ABCA6: variants seen among roughly 807,000 people sequenced by gnomAD.
ABCA6 encodes ATP binding cassette subfamily A member 6, also known as ATP-binding cassette sub-family A member 6.
ABCA6 carries 164 observed loss-of-function variants against 191.2 expected under a neutral mutation model. That is an observed-to-expected ratio of 0.86 (90% CI 0.76 to 0.98). The LOEUF is 0.98. Among genes scored for constraint, ABCA6 ranks in the 50% least tolerant of loss-of-function variants. The probability of loss-of-function intolerance (pLI) is 0.00; values close to 1 mark genes in which losing one functional copy is unlikely to be tolerated. For missense variants in ABCA6, 1,958 were observed against 1,894.1 expected (o/e 1.03, Z -0.63); for synonymous variants, 636 against 647.7 (o/e 0.98, Z 0.27).
intron 28 of ABCA6, chr17:69,087,722 G>T (rs181020502): frequency 2.0e-6 from 1 of 494,696 alleles, no homozygotes; most frequent in South Asian, 2.5e-5. Context: ...AGCAGGTACT[G>T]CTCCTTTCTC....
At chr17:69,092,157 G>GTTTA (rs1254688141) in intron 25 of ABCA6, among the ~76,000 whole-genome samples, 2 of 152,072 alleles carry the variant, frequency 1.3e-5, no homozygotes, top group African/African-American at 2.4e-5. Flanking sequence ...TTGTTTGTTT[G>GTTTA]TTTTAAGAAT....
At chr17:69,083,926 G>A (rs1289920173) in intron 34 of ABCA6, among the ~76,000 whole-genome samples, 1 of 152,056 alleles carries the variant, frequency 6.6e-6, no homozygotes, top group Non-Finnish European at 1.5e-5. Flanking sequence ...GTGTCAGGAA[G>A]TTAATAGTCT....
At chr17:69,113,541 C>T in intron 14 of ABCA6, 77 bp downstream of exon 14, 1 of 1,603,852 alleles carries the variant, frequency 6.2e-7, no homozygotes. Context: ...GAAAGCTCTA[C>T]CACTTTTAGT....
At position 69,078,860 on chromosome 17, in the gene ABCA6, C is replaced by T; in HGVS notation, c.*113G>A. 4.9e-6 allele frequency: 3 copies of T among 614,932 alleles called. No homozygotes were observed. Among genetic ancestry groups the T allele is most frequent in the Non-Finnish European group, 7.7e-6 (3 of 389,200 alleles). The allele number at this position is 614,932 out of a possible 1,614,324, so 38.1% of individuals were successfully genotyped here. A position where few individuals can be genotyped will look rare whatever the true frequency, so the allele number is the denominator to read the frequency against. On this transcript the variant is annotated 3_prime_UTR_variant, in exon 39 of 39. Coordinates refer to ENST00000284425, the MANE Select transcript of ABCA6 (RefSeq NM_080284.3). ...TTTATGTATTTGTTAACTAAATTTACAAAATATACCTGATGTTAATTTTAA... is the reference window on the plus strand; with the variant it reads ...TTTATGTATTTGTTAACTAAATTTATAAAATATACCTGATGTTAATTTTAA...
At chr17:69,092,530 G>A (rs1274000067) in intron 25 of ABCA6, among the ~76,000 whole-genome samples, 3 of 152,158 alleles carry the variant, frequency 2.0e-5, no homozygotes, top group Non-Finnish European at 2.9e-5. Context: ...CCAGAACTCC[G>A]TGTGCTAAGA....
rs1277882139 is a variant in ABCA6 at position 69,084,331 on chromosome 17, C to G, written c.4285G>C (p.Gly1429Arg). 7 of 1,614,114 alleles carry G rather than the reference C, an allele frequency of 4.3e-6. No homozygotes were observed. Among genetic ancestry groups the G allele is most frequent in the Non-Finnish European group, 5.9e-6 (7 of 1,180,002 alleles). ...TCCAGGAGCAAGACAGGTGAGTTTC[C>G]CAGGAGGCTCAGCACAAAACACAAC... ...RKLCFVLSLL[G>R]NSPVLLLDEP... The change falls in exon 34 of 39, where the codon GGA becomes CGA. Residue 1429 changes from glycine (G) to arginine (R), a missense_variant. Physicochemically the swap from Gly to Arg is moderately radical, Grantham distance 125. Coordinates refer to ENST00000284425, the MANE Select transcript of ABCA6 (RefSeq NM_080284.3).
intron 6 of ABCA6, among the ~76,000 whole-genome samples, chr17:69,130,189 T>C (rs1289979143): frequency 6.6e-6 from 1 of 152,004 alleles, no homozygotes; most frequent in Non-Finnish European, 1.5e-5. Context: ...TGGTGGTGCA[T>C]GCCTGTAGTC....
At chr17:69,128,573 A>T in intron 8 of ABCA6, 46 bp downstream of exon 8, 1 of 1,481,032 alleles carries the variant, frequency 6.8e-7, no homozygotes, top group Non-Finnish European at 9.2e-7. Context: ...TGAAGTATCT[A>T]CTTCTTTTGA....
intron 8 of ABCA6, 37 bp downstream of exon 8, chr17:69,128,582 G>A (rs1236538542): frequency 1.3e-6 from 2 of 1,536,960 alleles, no homozygotes; most frequent in South Asian, 1.2e-5. Context: ...TACTTCTTTT[G>A]AAATTTCAGT....
rs1290741943 is a variant in ABCA6, at chr17:69,136,219, T to C, written c.333A>G (p.Thr111=). The change falls in exon 4 of 39, where the codon ACA becomes ACG. Residue 111 remains threonine (T), a synonymous_variant. Coordinates refer to ENST00000284425, the MANE Select transcript of ABCA6 (RefSeq NM_080284.3). ...TTTCCAGAAGTATTTCGTCCATGTG[T>C]GTTTTATTTGGTGCCCCAATGACAC... is the stretch of plus-strand genomic sequence containing the variant. ...GTSVIGAPNK[T]HMDEILLENL... The C allele has an allele frequency of 1.9e-6, 3 of 1,583,124 alleles. No homozygotes were observed. In the African/African-American group the frequency reaches 4.1e-5, roughly 21 times the overall value.
chr17:69,117,768 T>A, intron 11 of ABCA6, 130 bp downstream of exon 11: 1 of 635,810 alleles, frequency 1.6e-6, no homozygotes, highest in Non-Finnish European at 2.7e-6. Context: ...AATGTCCAAG[T>A]GATAGCGTTA....
At chr17:69,106,246 T>C (rs2073301899) in intron 18 of ABCA6, 35 bp from the exon 19 acceptor site, 1 of 1,563,098 alleles carries the variant, frequency 6.4e-7, no homozygotes, top group Non-Finnish European at 8.7e-7. Context: ...ACACATATTA[T>C]AATATTAATG....
chr17:69,110,966 C>A, intron 16 of ABCA6, 26 bp from the exon 17 acceptor site: 1 of 1,564,544 alleles, frequency 6.4e-7, no homozygotes, highest in Admixed American at 1.9e-5. Context: ...AAAGATAAGT[C>A]ATTTGCATTT....
At chr17:69,082,647 G>A (rs1009350578) in intron 36 of ABCA6, among the ~76,000 whole-genome samples, 8 of 152,280 alleles carry the variant, frequency 5.3e-5, no homozygotes, top group African/African-American at 1.9e-4. Flanking sequence ...TGGAGCTGGG[G>A]ATCAGCCTGG....
At chr17:69,091,008 C>A in intron 26 of ABCA6, 135 bp downstream of exon 26, 1 of 831,822 alleles carries the variant, frequency 1.2e-6, no homozygotes, top group Non-Finnish European at 1.8e-6. Flanking sequence ...ACATTTTCAT[C>A]ATCCCCCCAA....
intron 9 of ABCA6, among the ~76,000 whole-genome samples, chr17:69,124,135 T>C (rs990639679): frequency 6.6e-6 from 1 of 151,976 alleles, no homozygotes; most frequent in African/African-American, 2.4e-5. Flanking sequence ...AGAATAAATT[T>C]ATAGTGATAT....
At chr17:69,104,461 G>A (rs773343890) in intron 20 of ABCA6, 2 of 151,968 alleles carry the variant, frequency 1.3e-5, no homozygotes, top group African/African-American at 2.4e-5. Context: ...AACGGAAAGG[G>A]AAAGACTGTC....
intron 12 of ABCA6, 41 bp from the exon 13 acceptor site, chr17:69,114,978 A>C (rs988753992): frequency 1.6e-5 from 22 of 1,418,068 alleles, no homozygotes; most frequent in Admixed American, 4.0e-5. Context: ...AAGATAATAC[A>C]TTCTATTAAT....
intron 10 of ABCA6, among the ~76,000 whole-genome samples, chr17:69,119,009 G>A (rs1381485028): frequency 6.6e-6 from 1 of 151,946 alleles, no homozygotes; most frequent in African/African-American, 2.4e-5. Context: ...GAATTCCAAA[G>A]GGAACTGATG....
Sources: allele counts gnomAD v4.1 joint callset (sites outside exome capture counted in the v4.1 genomes callset), GRCh38; gene constraint gnomAD v4.1.1; transcripts MANE v1.5; gene names NCBI Gene and HGNC (gene_info 2026-07-23, HGNC 2026-07-21).